The following MTMR7 variants were observed in gnomAD, a reference collection of about 807,000 sequenced individuals.
MTMR7 encodes myotubularin related protein 7, also known as phosphatidylinositol-3-phosphate phosphatase MTMR7.
Under a neutral mutation model 81.2 loss-of-function variants are expected in MTMR7, and 76 were observed. The observed-to-expected ratio is 0.94, with a 90% CI of 0.78 to 1.13. MTMR7 has a LOEUF of 1.13. MTMR7 is among the 50% of genes most tolerant of loss of function. The probability of loss-of-function intolerance (pLI) is 0.00; values close to 1 mark genes in which losing one functional copy is unlikely to be tolerated. For missense variants in MTMR7, 1,044 were observed against 820.0 expected, an observed-to-expected ratio of 1.27 and a Z score of -3.34; for synonymous variants, 372 against 289.8, an observed-to-expected ratio of 1.28 and a Z score of -2.88.
intron 2 of MTMR7, 22 bp downstream of exon 2, chr8:17,373,096 G>T (rs752469834): frequency 1.2e-6 from 2 of 1,610,504 alleles, no homozygotes; most frequent in Non-Finnish European, 8.5e-7. Context: ...AACAAGGAAA[G>T]CTAAAAATAA....
chr8:17,394,492 T>C (rs1285742585), intron 1 of MTMR7, among the ~76,000 whole-genome samples: 1 of 152,048 alleles, frequency 6.6e-6, no homozygotes, highest in Non-Finnish European at 1.5e-5. Flanking sequence ...TAAAATGTCC[T>C]GGATAGGCAA....
chr8:17,336,099 G>A (rs981402641), intron 6 of MTMR7, among the ~76,000 whole-genome samples: 4 of 152,120 alleles, frequency 2.6e-5, no homozygotes, highest in African/African-American at 4.8e-5. Flanking sequence ...CTGGCATAGC[G>A]TCCAAGTGCT....
chr8:17,300,174 A>T lies in MTMR7; in HGVS notation c.1671T>A (p.Ser557Arg). ...AGTGCTTGCTGGGCTCACTTTGCTT[A>T]CTCTTCACCTTAGTGCAATTTAACT... is the stretch of plus-strand genomic sequence containing the variant. ...KVQLNCTKVKSKQSEPSKHSG... is the reference protein window; with the variant it reads ...KVQLNCTKVKRKQSEPSKHSG... Residue 557 changes from serine to arginine, a missense_variant, in exon 14 of 14, where the codon AGT (serine) becomes AGA (arginine). Ser to Arg is a moderately radical substitution (Grantham distance 110). Coordinates refer to ENST00000180173, the MANE Select transcript of MTMR7 (RefSeq NM_004686.5). 5.6e-6 allele frequency: 9 copies of T among 1,613,844 alleles called. No individual in the cohort carries two copies. The highest frequency in any genetic ancestry group is 1.7e-5 in the Admixed American group (1 of 59,990).
rs1817406719 is a variant in MTMR7, at chr8:17,305,739, A to G, written c.1352+18T>C. 3 of 1,583,784 alleles carry G rather than the reference A, an allele frequency of 1.9e-6. No individual in the cohort carries two copies. The South Asian group carries it at 3.4e-5, about 18-fold the overall frequency. ...TCTTTAAATAAAAGTTAAACACCAA[A>G]AACACCAAAACACTTACTTGAGTTC... On this transcript the variant is annotated intron_variant, in intron 11 of 13. Coordinates refer to ENST00000180173, the MANE Select transcript of MTMR7 (RefSeq NM_004686.5).
chr8:17,357,465 A>G lies in MTMR7; in HGVS notation c.468+3652T>C, dbSNP rs12542855. On this transcript the variant is annotated intron_variant, in intron 4 of 13. Coordinates refer to ENST00000180173, the MANE Select transcript of MTMR7 (RefSeq NM_004686.5). Reference sequence around the variant, plus strand: ...ACAGTATAAAAACATGCAAAACAATACCACATACTACTACAGTAAGTCCTT... The same window carrying G: ...ACAGTATAAAAACATGCAAAACAATGCCACATACTACTACAGTAAGTCCTT... Among the ~76,000 whole-genome samples the G allele has an allele frequency of 4.4e-3, 669 of 152,316 alleles. 16 individuals carry two copies. The highest frequency in any genetic ancestry group is 0.041 in the Admixed American group (626 of 15,300).
At chr8:17,304,308 C>A in intron 12 of MTMR7, 71 bp downstream of exon 12, 1 of 1,535,586 alleles carries the variant, frequency 6.5e-7, no homozygotes. Flanking sequence ...TACACTTTGA[C>A]CTCTGAATGT....
chr8:17,345,274 T>G (rs1819515863), intron 5 of MTMR7, among the ~76,000 whole-genome samples: 1 of 152,210 alleles, frequency 6.6e-6, no homozygotes, highest in African/African-American at 2.4e-5. Context: ...ACAATTCTTA[T>G]CCAACAGACC....
intron 3 of MTMR7, among the ~76,000 whole-genome samples, chr8:17,368,580 C>A (rs1820309938): frequency 1.3e-5 from 2 of 152,216 alleles, no homozygotes; most frequent in Non-Finnish European, 2.9e-5. Flanking sequence ...TTGAAGGCAA[C>A]TGTTTCATGT....
intron 7 of MTMR7, among the ~76,000 whole-genome samples, chr8:17,319,129 T>C (rs867747765): frequency 3.3e-5 from 5 of 152,296 alleles, no homozygotes; most frequent in South Asian, 2.1e-4. Context: ...GCATGGGCAA[T>C]AGCACGTAGC....
chr8:17,346,074 C>T (rs963221338), intron 5 of MTMR7: 1 of 152,186 alleles, frequency 6.6e-6, no homozygotes, highest in African/African-American at 2.4e-5. Flanking sequence ...GCAATGACAG[C>T]ACAGATAACT....
chr8:17,401,192 A>T (rs1821419756), intron 1 of MTMR7, among the ~76,000 whole-genome samples: 1 of 152,176 alleles, frequency 6.6e-6, no homozygotes, highest in Admixed American at 6.5e-5. Context: ...ATGTTGGTTG[A>T]GGTGAGTTAG....
At chr8:17,381,770 A>T (rs575343356) in intron 1 of MTMR7, among the ~76,000 whole-genome samples, 26 of 152,358 alleles carry the variant, frequency 1.7e-4, no homozygotes, top group African/African-American at 6.0e-4. Flanking sequence ...TTTATGTTCT[A>T]ATCTAAGAAA....
At chr8:17,373,083 C>G in intron 2 of MTMR7, 35 bp downstream of exon 2, 2 of 1,609,402 alleles carry the variant, frequency 1.2e-6, no homozygotes, top group Non-Finnish European at 1.7e-6. Context: ...TCAAACAACG[C>G]AAAACAAGGA....
Position 17,373,246 on chromosome 8 carries a change from G to T in MTMR7, c.25-6C>A, listed in dbSNP as rs180824276. On this transcript the variant is annotated splice_polypyrimidine_tract_variant and splice_region_variant and intron_variant, in intron 1 of 13. Transcript: ENST00000180173. ...ACCAAGCGGACATTTTCAACCTAGA[G>T]AAATCGGCATGATGAAAAGAGTTAC... is the stretch of plus-strand genomic sequence containing the variant. 1,007 of 1,608,640 alleles carry T rather than the reference G, an allele frequency of 6.3e-4. 13 individuals are homozygous for T. The South Asian group carries it at 9.5e-3, about 15-fold the overall frequency.
chr8:17,350,354 C>T (rs1586232076), intron 4 of MTMR7, among the ~76,000 whole-genome samples: 1 of 152,316 alleles, frequency 6.6e-6, no homozygotes, highest in East Asian at 1.9e-4. Flanking sequence ...TGGGAGGCCT[C>T]ATAAGCATGG....
chr8:17,318,380 C>T (rs554562964), intron 7 of MTMR7, among the ~76,000 whole-genome samples: 2 of 152,032 alleles, frequency 1.3e-5, no homozygotes. Flanking sequence ...CAGTGAACAG[C>T]GTTCATGATA....
At chr8:17,382,434 T>C (rs1426985392) in intron 1 of MTMR7, among the ~76,000 whole-genome samples, 1 of 152,222 alleles carries the variant, frequency 6.6e-6, no homozygotes, top group Non-Finnish European at 1.5e-5. Flanking sequence ...CTTGGTAACA[T>C]TTCCTGAGTT....
intron 12 of MTMR7, 46 bp from the exon 13 acceptor site, chr8:17,302,326 G>A: frequency 6.4e-7 from 1 of 1,569,998 alleles, no homozygotes; most frequent in Non-Finnish European, 8.6e-7. Flanking sequence ...ATCACAGTCT[G>A]AAAATTCACA....
chr8:17,341,404 G>A lies in MTMR7; in HGVS notation c.691C>T (p.Pro231Ser). The A allele has an allele frequency of 6.2e-7, 1 of 1,614,210 alleles. No homozygotes were observed. Among genetic ancestry groups the A allele is most frequent in the Non-Finnish European group, 8.5e-7 (1 of 1,180,040 alleles). Residue 231 changes from proline to serine, a missense_variant, in exon 6 of 14, where the codon CCA becomes TCA. By Grantham distance (74) the Pro-to-Ser change is moderately conservative. Coordinates refer to ENST00000180173, the MANE Select transcript of MTMR7 (RefSeq NM_004686.5). ...ACGACATAAACGAAGTCACTTCCTG[G>A]ATTGGCTTTCCTAATGGCCTGGAGC... ...QMLQAIRKAN[P>S]GSDFVYVVDT...
Sources: allele counts gnomAD v4.1 joint callset (sites outside exome capture counted in the v4.1 genomes callset), GRCh38; gene constraint gnomAD v4.1.1; transcripts MANE v1.5; gene names NCBI Gene and HGNC (gene_info 2026-07-23, HGNC 2026-07-21).